The following FAM186B variants were observed in gnomAD, a reference collection of about 807,000 sequenced individuals.
FAM186B encodes the protein protein FAM186B.
In FAM186B, 68 loss-of-function variants were observed where a neutral mutation model predicts 83.4. The observed-to-expected ratio is 0.81, with a 90% CI of 0.67 to 1.00. The LOEUF (loss-of-function observed/expected upper bound fraction) is 1.00. FAM186B is among the 50% of genes least tolerant of loss of function. The probability of loss-of-function intolerance (pLI) is 0.00; values close to 1 mark genes in which losing one functional copy is unlikely to be tolerated. For missense variants in FAM186B, 983 were observed against 1,099.2 expected (o/e 0.89, Z 1.49); for synonymous variants, 389 against 422.0 (o/e 0.92, Z 0.96).
intron 5 of FAM186B, among the ~76,000 whole-genome samples, chr12:49,597,536 A>G (rs1939756934): frequency 6.6e-6 from 1 of 152,168 alleles, no homozygotes. Context: ...AAGAAACTGA[A>G]AGCTCTATGT....
At chr12:49,590,866 A>G (rs1939566138) in intron 5 of FAM186B, among the ~76,000 whole-genome samples, 1 of 152,206 alleles carries the variant, frequency 6.6e-6, no homozygotes, top group Non-Finnish European at 1.5e-5. Flanking sequence ...TTGAATAAAT[A>G]AAAAGTAAAA....
intron 5 of FAM186B, chr12:49,595,188 A>G (rs1939685475): frequency 6.9e-5 from 37 of 538,362 alleles, no homozygotes; most frequent in Non-Finnish European, 7.0e-6. Flanking sequence ...GTCATCCTGT[A>G]GATGTCATGA....
At chr12:49,615,627 A>G in the FAM186B span, among the ~76,000 whole-genome samples, 1 of 152,082 alleles carries the variant, frequency 6.6e-6, no homozygotes, top group Non-Finnish European at 1.5e-5. Flanking sequence ...CGTCTCTACT[A>G]AAAATACAAA....
Position 49,604,443 on chromosome 12 carries a change from G to T in FAM186B, c.192C>A (p.Ala64=), listed in dbSNP as rs773770507. 6.2e-6 allele frequency: 10 copies of T among 1,614,132 alleles called. No homozygotes were observed. Among genetic ancestry groups the T allele is most frequent in the South Asian group, 4.4e-5 (4 of 91,080 alleles). The part of the protein sequence containing the change: ...EELGYDLKEN[A]KSQQRDPKGK... ...CCTTTGGATCTCTCTGCTGAGATTT[G>T]GCATTTTCTTTTAAATCATATCCTA... is the stretch of plus-strand genomic sequence containing the variant. Residue 64 remains alanine, a synonymous_variant, in exon 2 of 7, where the codon GCC becomes GCA. Coordinates refer to ENST00000257894, the MANE Select transcript of FAM186B (RefSeq NM_032130.3).
chr12:49,605,721 A>G, upstream of FAM186B: 1 of 362,344 alleles, frequency 2.8e-6, no homozygotes, highest in South Asian at 5.7e-5. Flanking sequence ...CTTTTTGTCC[A>G]TTACCTAACA....
At chr12:49,587,850 C>T in intron 6 of FAM186B, 98 bp from the exon 7 acceptor site, 2 of 1,341,914 alleles carry the variant, frequency 1.5e-6, no homozygotes, top group East Asian at 2.3e-5. Flanking sequence ...GCTTTGTCTC[C>T]TTCCCTTCTC....
At chr12:49,587,893 C>G (rs1939485747) in intron 6 of FAM186B, 141 bp from the exon 7 acceptor site, 1 of 911,138 alleles carries the variant, frequency 1.1e-6, no homozygotes, top group Non-Finnish European at 1.6e-6. Context: ...CCTCATCTCC[C>G]CTCCAACACT....
At chr12:49,587,813 C>T (rs777262169) in intron 6 of FAM186B, 61 bp from the exon 7 acceptor site, 31 of 1,543,940 alleles carry the variant, frequency 2.0e-5, no homozygotes, top group Non-Finnish European at 2.5e-5. Context: ...ATGCAAGAGA[C>T]TCTCCAGAGC....
At chr12:49,597,400 TA>T (rs938580713) in intron 5 of FAM186B, among the ~76,000 whole-genome samples, 4 of 61,190 alleles carry the variant, frequency 6.5e-5, no homozygotes, top group Admixed American at 4.8e-4. Flanking sequence ...ATGTGAAATC[TA>T]AAAAAAACAA....
Position 49,598,838 on chromosome 12 carries a change from G to C in FAM186B, c.2281C>G (p.Leu761Val). The C allele has an allele frequency of 6.2e-7, 1 of 1,613,320 alleles. No homozygotes were observed. Among genetic ancestry groups the C allele is most frequent in the Middle Eastern group, 1.6e-4 (1 of 6,062 alleles). The change falls in exon 5 of 7, where the codon CTG becomes GTG. Residue 761 changes from leucine (L) to valine (V), a missense_variant. By Grantham distance (32) the Leu-to-Val change is conservative. Transcript: ENST00000257894. ...TTCTGCTTGTCCGTCCAGGCCTGCA[G>C]CCTGAGACTCTGCAGGCGGTCAATG... is the stretch of plus-strand genomic sequence containing the variant. Reference protein sequence around the residue: ...ENIDRLQSLRLQAWTDKQKGL... With the variant: ...ENIDRLQSLRVQAWTDKQKGL...
chr12:49,620,649 CT>C, the FAM186B span, among the ~76,000 whole-genome samples: 3 of 151,980 alleles, frequency 2.0e-5, no homozygotes, highest in Non-Finnish European at 2.9e-5. Context: ...AGAATCATAA[CT>C]GTAAACATGA....
intron 5 of FAM186B, among the ~76,000 whole-genome samples, chr12:49,596,387 A>AT (rs1453831618): frequency 6.6e-6 from 1 of 151,530 alleles, no homozygotes; most frequent in Non-Finnish European, 1.5e-5. Flanking sequence ...CAAAAAAGAC[A>AT]TAGGTACTCT....
intron 5 of FAM186B, chr12:49,594,222 G>T: frequency 3.8e-6 from 1 of 265,086 alleles, no homozygotes; most frequent in Non-Finnish European, 8.1e-6. Flanking sequence ...TAATATTCAA[G>T]AAAAGGACTG....
chr12:49,588,178 T>C (rs1178815442), intron 6 of FAM186B, among the ~76,000 whole-genome samples: 1 of 152,142 alleles, frequency 6.6e-6, no homozygotes, highest in African/African-American at 2.4e-5. Flanking sequence ...GGTTATAAGT[T>C]TTCAGGTGTG....
intron 5 of FAM186B, among the ~76,000 whole-genome samples, chr12:49,594,485 C>T (rs1480892845): frequency 6.6e-6 from 1 of 152,170 alleles, no homozygotes; most frequent in Admixed American, 6.5e-5. Context: ...TTAAATTAGG[C>T]AGAGTAAGAG....
At chr12:49,585,559 A>G (rs1417133038), downstream of FAM186B, among the ~76,000 whole-genome samples, 1 of 152,230 alleles carries the variant, frequency 6.6e-6, no homozygotes, top group African/African-American at 2.4e-5. Flanking sequence ...ATCTCAAACC[A>G]TGGAGGGAAG....
intron 5 of FAM186B, among the ~76,000 whole-genome samples, chr12:49,595,901 G>A (rs1477266602): frequency 1.3e-5 from 2 of 152,168 alleles, no homozygotes; most frequent in African/African-American, 2.4e-5. Flanking sequence ...AGAAAATGGC[G>A]TGAACCTGGG....
In FAM186B at chr12:49,587,510, G is replaced by T; in HGVS notation, c.*95C>A. On this transcript the variant is annotated 3_prime_UTR_variant, in exon 7 of 7. Coordinates refer to ENST00000257894, the MANE Select transcript of FAM186B (RefSeq NM_032130.3). Reference sequence around the variant, plus strand: ...GATAGCAAATGAGGTCATTGTTAAAGCCTGGAGAGAGATTTATTGGGGAGA... The same window carrying T: ...GATAGCAAATGAGGTCATTGTTAAATCCTGGAGAGAGATTTATTGGGGAGA... The T allele has an allele frequency of 6.6e-7, 1 of 1,526,700 alleles. No homozygotes were observed. The allele number at this position is 1,526,700 out of a possible 1,614,324, so 94.6% of individuals were successfully genotyped here.
chr12:49,600,665 T>G lies in FAM186B; in HGVS notation c.975A>C (p.Thr325=). Residue 325 remains threonine, a synonymous_variant, in exon 4 of 7, where the codon ACA becomes ACC. Transcript: ENST00000257894. This position sits in a 1 kb window ranked among gnomAD's most constrained non-coding sequence, Gnocchi z 4.3. ...CCTCAGCCAGGTCTTCTGCCTGACC[T>G]GTAGCATTCTGAGCCTTCTTCAGCT... The part of the protein sequence containing the change: ...EFQLKKAQNA[T]GQAEDLAEVS... 6.2e-7 allele frequency: 1 copy of G among 1,614,142 alleles called. No individual in the cohort carries two copies. Among genetic ancestry groups the G allele is most frequent in the Non-Finnish European group, 8.5e-7 (1 of 1,180,020 alleles).
Sources: gnomAD v4.1 joint callset for allele counts (sites outside exome capture counted in the v4.1 genomes callset) on GRCh38, gnomAD v4.1.1 for gene constraint, Gnocchi (gnomAD v3.1) non-coding constraint, MANE v1.5 for transcripts, NCBI Gene and HGNC (gene_info 2026-07-23, HGNC 2026-07-21) for gene names.